The following NCKAP1 variants were observed in gnomAD, a reference collection of about 807,000 sequenced individuals.
NCKAP1 encodes the protein NCK associated protein 1.
Under a neutral mutation model 151.2 loss-of-function variants are expected in NCKAP1, and 21 were observed. The observed-to-expected ratio is 0.14, with a 90% confidence interval of 0.10 to 0.20. The LOEUF (loss-of-function observed/expected upper bound fraction) is 0.20. NCKAP1 is among the 10% of genes least tolerant of loss of function. The pLI, the probability that NCKAP1 is intolerant of heterozygous loss-of-function variation, is 1.00. For synonymous variants in NCKAP1, 484 were observed against 451.8 expected (o/e 1.07, Z -0.90); for missense variants, 933 against 1,352.1 (o/e 0.69, Z 4.86).
intron 29 of NCKAP1, 63 bp from the exon 30 acceptor site, chr2:182,926,968 T>C (rs2105796414): frequency 2.7e-6 from 3 of 1,130,768 alleles, no homozygotes; most frequent in Non-Finnish European, 3.9e-6. Context: ...TTACTTATTT[T>C]AGGTATGTTT....
intron 16 of NCKAP1, among the ~76,000 whole-genome samples, chr2:182,965,709 A>G (rs919483595): frequency 6.6e-6 from 1 of 152,184 alleles, no homozygotes; most frequent in Non-Finnish European, 1.5e-5. Flanking sequence ...ACATTATTCA[A>G]AGTGCTTTTA....
intron 2 of NCKAP1, among the ~76,000 whole-genome samples, chr2:183,021,149 A>G (rs1267158602): frequency 1.3e-5 from 2 of 152,238 alleles, no homozygotes; most frequent in African/African-American, 2.4e-5. Context: ...TATAAAGCCA[A>G]GAGAAATGAA....
At chr2:183,032,540 G>C (rs1699023892) in intron 1 of NCKAP1, among the ~76,000 whole-genome samples, 1 of 151,824 alleles carries the variant, frequency 6.6e-6, no homozygotes, top group African/African-American at 2.4e-5. Flanking sequence ...GCAACATAAT[G>C]GTATGTATTT....
Position 182,924,765 on chromosome 2 carries a change from G to C in NCKAP1, c.*937C>G, listed in dbSNP as rs754854926. On this transcript the variant is annotated 3_prime_UTR_variant, in exon 31 of 31. Coordinates refer to ENST00000361354, the MANE Select transcript of NCKAP1 (RefSeq NM_013436.5). ...AAACAAATCATATAATAGCTGACCT[G>C]GTATCGAATGCTGTACTTAGACATT... The C allele has an allele frequency of 6.6e-6, 1 of 151,692 alleles. No homozygotes were observed. Among genetic ancestry groups the C allele is most frequent in the Non-Finnish European group, 1.5e-5 (1 of 67,922 alleles). 9.4% of individuals were successfully genotyped at this position (151,692 alleles called of 1,614,324 possible). A position where few individuals can be genotyped will look rare whatever the true frequency, so the allele number is the denominator to read the frequency against.
At position 182,960,020 on chromosome 2, in the gene NCKAP1, A is replaced by T. The variant is rs1188149805; in HGVS notation, c.1881+2139T>A. Among the ~76,000 whole-genome samples, 14 of 152,370 alleles carry T rather than the reference A, an allele frequency of 9.2e-5. No homozygotes were observed. The South Asian group carries it at 2.9e-3, about 32-fold the overall frequency. ...AATAAAATGCCTAGGAATCCAACTT[A>T]CAAGGGACGTGAAGGACCTCTTCAA... On this transcript the variant is annotated intron_variant, in intron 18 of 30. Coordinates refer to ENST00000361354, the MANE Select transcript of NCKAP1 (RefSeq NM_013436.5).
intron 1 of NCKAP1, among the ~76,000 whole-genome samples, chr2:183,035,342 A>ATAT (rs1176147835): frequency 4.6e-5 from 7 of 152,086 alleles, no homozygotes; most frequent in African/African-American, 1.7e-4. Flanking sequence ...GCGCCAAAGC[A>ATAT]TATTACTGAC....
At chr2:182,930,632 C>CTA in intron 27 of NCKAP1, 63 bp downstream of exon 27, 1 of 1,270,824 alleles carries the variant, frequency 7.9e-7, no homozygotes. Context: ...AATATCATAC[C>CTA]TATACCTATG....
In NCKAP1 at chr2:182,989,102, C is replaced by T. The variant is rs1190231476; in HGVS notation, c.875G>A (p.Cys292Tyr). The change falls in exon 9 of 31, where the codon TGC becomes TAC. Residue 292 changes from cysteine to tyrosine, a missense_variant. Coordinates refer to ENST00000361354, the MANE Select transcript of NCKAP1 (RefSeq NM_013436.5). Reference protein sequence around the residue: ...LWKLALQSSSCLSLFRDEVFH... With the variant: ...LWKLALQSSSYLSLFRDEVFH... ...AACTTCATCCCGAAAGAGAGAGAGGCAAGAGCTACTTTGAAGAGCTAGTTT... is the reference window on the plus strand; with the variant it reads ...AACTTCATCCCGAAAGAGAGAGAGGTAAGAGCTACTTTGAAGAGCTAGTTT... 2 of 1,613,248 alleles carry T rather than the reference C, an allele frequency of 1.2e-6. No individual in the cohort carries two copies. Among genetic ancestry groups the T allele is most frequent in the African/African-American group, 1.3e-5 (1 of 74,898 alleles).
rs369927352 is a variant in NCKAP1, at chr2:182,956,321, T to C, written c.2153+141A>G. On this transcript the variant is annotated intron_variant, in intron 20 of 30. Coordinates refer to ENST00000361354, the MANE Select transcript of NCKAP1 (RefSeq NM_013436.5). ...TCCCAAAGTGCTGGGATTATAGGCG[T>C]GAGCCACCACGCCCGGCCCGGTTCA... 9 of 1,064,960 alleles carry C rather than the reference T, an allele frequency of 8.5e-6. No homozygotes were observed. In the East Asian group the frequency reaches 1.4e-4, roughly 16 times the overall value. 66.0% of individuals were successfully genotyped at this position (1,064,960 alleles called of 1,614,324 possible).
At chr2:183,032,128 A>G (rs1699015693) in intron 1 of NCKAP1, among the ~76,000 whole-genome samples, 1 of 152,168 alleles carries the variant, frequency 6.6e-6, no homozygotes, top group African/African-American at 2.4e-5. Flanking sequence ...TTCCAAGAGG[A>G]TTCTATTATG....
chr2:182,934,224 G>A (rs761092864), intron 26 of NCKAP1, among the ~76,000 whole-genome samples: 6 of 151,380 alleles, frequency 4.0e-5, no homozygotes, highest in Non-Finnish European at 7.4e-5. Flanking sequence ...TACACGCTCC[G>A]CCTCCCAGGT....
intron 1 of NCKAP1, among the ~76,000 whole-genome samples, chr2:183,037,733 G>A (rs1699131329): frequency 1.3e-5 from 2 of 152,006 alleles, no homozygotes; most frequent in Non-Finnish European, 2.9e-5. Context: ...CCCCGTGCGA[G>A]GCCCAGCGCC....
intron 2 of NCKAP1, among the ~76,000 whole-genome samples, chr2:183,014,558 TG>T (rs1287359724): frequency 1.6e-4 from 24 of 152,314 alleles, no homozygotes; most frequent in African/African-American, 5.8e-4. Flanking sequence ...TATACTAGCC[TG>T]CATACTCTTG....
intron 24 of NCKAP1, among the ~76,000 whole-genome samples, chr2:182,939,961 C>G (rs375313979): frequency 1.3e-5 from 2 of 152,084 alleles, no homozygotes; most frequent in African/African-American, 4.8e-5. Context: ...TAATGAGTCA[C>G]CATTAATTAT....
At chr2:182,933,929 C>G (rs1383032747) in intron 26 of NCKAP1, among the ~76,000 whole-genome samples, 1 of 152,116 alleles carries the variant, frequency 6.6e-6, no homozygotes, top group Admixed American at 6.5e-5. Flanking sequence ...AGTTGGATTT[C>G]ATGGCTCAAT....
intron 8 of NCKAP1, among the ~76,000 whole-genome samples, chr2:182,989,717 T>G (rs1171696646): frequency 4.0e-5 from 6 of 149,808 alleles, no homozygotes. Flanking sequence ...AAAAAAATTT[T>G]TTTTTAATGG....
intron 6 of NCKAP1, among the ~76,000 whole-genome samples, chr2:182,998,857 A>AG (rs59194097): frequency 2.0e-5 from 2 of 101,564 alleles, no homozygotes; most frequent in African/African-American, 3.9e-5. Flanking sequence ...AAAAAAAAAA[A>AG]GGGGGGAAGG....
chr2:182,972,216 C>T (rs1369141004), intron 15 of NCKAP1, among the ~76,000 whole-genome samples: 2 of 89,572 alleles, frequency 2.2e-5, no homozygotes, highest in African/African-American at 8.9e-5. Context: ...ACTCAAACAG[C>T]TTAATAGCAA....
rs932422078 is a variant in NCKAP1 at position 182,981,174 on chromosome 2, C to T, written c.1341+70G>A. On this transcript the variant is annotated intron_variant, in intron 13 of 30. Transcript: ENST00000361354. ...TGATATTTCATAAATGCTTGTTGAA[C>T]AAACAAATAAAATACTATCAAAGGT... is the stretch of plus-strand genomic sequence containing the variant. 30 of 1,527,734 alleles carry T rather than the reference C, an allele frequency of 2.0e-5. No individual in the cohort carries two copies. In the Admixed American group the frequency reaches 2.4e-4, roughly 12 times the overall value. The allele number at this position is 1,527,734 out of a possible 1,614,324, so 94.6% of individuals were successfully genotyped here. A position where few individuals can be genotyped will look rare whatever the true frequency, so the allele number is the denominator to read the frequency against.
Sources: gnomAD v4.1 joint callset for allele counts (sites outside exome capture counted in the v4.1 genomes callset) on GRCh38, gnomAD v4.1.1 for gene constraint, MANE v1.5 for transcripts, NCBI Gene and HGNC (gene_info 2026-07-23, HGNC 2026-07-21) for gene names.